PCSK2: variants seen among roughly 807,000 people sequenced by gnomAD.
The protein encoded by PCSK2 is neuroendocrine convertase 2.
Under a neutral mutation model 69.7 loss-of-function variants are expected in PCSK2, and 14 were observed. The observed-to-expected ratio is 0.20, with a 90% confidence interval of 0.13 to 0.31. PCSK2 has a LOEUF of 0.31. Ranked by LOEUF, PCSK2 falls within the 10% of genes least tolerant of loss-of-function variation. The pLI is 1.00. For synonymous variants in PCSK2, 307 were observed against 320.7 expected, an observed-to-expected ratio of 0.96 and a Z score of 0.46; for missense variants, 544 against 842.5, an observed-to-expected ratio of 0.65 and a Z score of 4.39.
chr20:17,358,002 C>T (rs2030261389), intron 2 of PCSK2, among the ~76,000 whole-genome samples: 2 of 151,912 alleles, frequency 1.3e-5, no homozygotes, highest in South Asian at 2.1e-4. Flanking sequence ...TAAGTAAATG[C>T]TCTCATAAAA....
chr20:17,283,558 T>C (rs2123050751), intron 2 of PCSK2, among the ~76,000 whole-genome samples: 1 of 152,314 alleles, frequency 6.6e-6, no homozygotes, highest in South Asian at 2.1e-4. Flanking sequence ...CTTCCATACC[T>C]TAAGTACCTA....
chr20:17,275,671 G>A (rs1178154805), intron 2 of PCSK2, among the ~76,000 whole-genome samples: 2 of 152,138 alleles, frequency 1.3e-5, no homozygotes, highest in Non-Finnish European at 2.9e-5. Flanking sequence ...AGATTAAATA[G>A]GAAATACATT....
chr20:17,267,459 C>T (rs1336607391), intron 2 of PCSK2, among the ~76,000 whole-genome samples: 1 of 152,182 alleles, frequency 6.6e-6, no homozygotes, highest in African/African-American at 2.4e-5. Context: ...CTGTTCTAAT[C>T]CTCTGCTTTC....
At position 17,463,665 on chromosome 20, in the gene PCSK2, A is replaced by AC. The variant is rs200671048; in HGVS notation, c.1203-1655dup. 148 of 62,622 alleles carry AC rather than the reference A, an allele frequency of 2.4e-3. 3 individuals carry two copies. Among genetic ancestry groups the AC allele is most frequent in the South Asian group, 0.016 (25 of 1,594 alleles). The allele number at this position is 62,622 out of a possible 1,614,324, so 3.9% of individuals were successfully genotyped here. On this transcript the variant is annotated intron_variant, in intron 10 of 11. Transcript: ENST00000262545. The stretch of plus-strand genomic sequence containing the variant: ...TAATGCTATCCCTCCCCATCCCCCC[A>AC]CCCCCCACACACACACATGACAGGC...
intron 5 of PCSK2, among the ~76,000 whole-genome samples, chr20:17,380,822 A>G (rs1374882246): frequency 6.6e-6 from 1 of 152,210 alleles, no homozygotes; most frequent in Non-Finnish European, 1.5e-5. Flanking sequence ...ATGAAATTAA[A>G]AGGGGCAATT....
intron 5 of PCSK2, among the ~76,000 whole-genome samples, chr20:17,401,498 A>G (rs1172639458): frequency 1.3e-5 from 2 of 152,200 alleles, no homozygotes; most frequent in Non-Finnish European, 2.9e-5. Flanking sequence ...ACCTCTTAAT[A>G]CAAACACACA....
At chr20:17,337,681 T>C (rs1357684917) in intron 2 of PCSK2, among the ~76,000 whole-genome samples, 2 of 152,004 alleles carry the variant, frequency 1.3e-5, no homozygotes, top group Admixed American at 1.3e-4. Flanking sequence ...TCACAACATT[T>C]TGGGAGTCCG....
intron 5 of PCSK2, among the ~76,000 whole-genome samples, chr20:17,371,139 G>A (rs1188109170): frequency 1.3e-5 from 2 of 152,150 alleles, no homozygotes; most frequent in Admixed American, 6.5e-5. Flanking sequence ...TACCCATTGG[G>A]CTGGAGAGCT....
intron 1 of PCSK2, among the ~76,000 whole-genome samples, chr20:17,243,736 C>A (rs540591100): frequency 6.6e-6 from 1 of 152,282 alleles, no homozygotes; most frequent in South Asian, 2.1e-4. Flanking sequence ...CACACCACAA[C>A]GTGTGTAATG....
At chr20:17,419,568 T>G (rs117673101) in intron 6 of PCSK2, among the ~76,000 whole-genome samples, 2,109 of 152,296 alleles carry the variant, frequency 0.014, 22 homozygotes, top group Middle Eastern at 0.044. Context: ...TCACATTTTT[T>G]CCCTTGCTGG....
At chr20:17,426,637 A>G (rs1197082493) in intron 6 of PCSK2, among the ~76,000 whole-genome samples, 1 of 152,196 alleles carries the variant, frequency 6.6e-6, no homozygotes, top group African/African-American at 2.4e-5. Flanking sequence ...CAGGCTGGAG[A>G]CCCTGAGAGC....
chr20:17,269,586 T>C (rs957948134), intron 2 of PCSK2, among the ~76,000 whole-genome samples: 5 of 152,162 alleles, frequency 3.3e-5, no homozygotes, highest in Admixed American at 6.6e-5. Context: ...CATGAACTTA[T>C]GAAATTAAAG....
intron 1 of PCSK2, among the ~76,000 whole-genome samples, chr20:17,228,790 A>G (rs749531529): frequency 6.6e-6 from 1 of 152,176 alleles, no homozygotes; most frequent in Non-Finnish European, 1.5e-5. Context: ...CAGTACCGGA[A>G]TTTCGACCCC....
chr20:17,461,649 C>T (rs766460471), intron 10 of PCSK2, among the ~76,000 whole-genome samples: 4 of 152,182 alleles, frequency 2.6e-5, no homozygotes, highest in Non-Finnish European at 4.4e-5. Context: ...CATGTGCTGA[C>T]TTTAAATTAC....
chr20:17,328,855 C>A (rs1990137160), intron 2 of PCSK2, among the ~76,000 whole-genome samples: 1 of 152,150 alleles, frequency 6.6e-6, no homozygotes, highest in South Asian at 2.1e-4. Flanking sequence ...TGAAATTACA[C>A]TCAAAGACTC....
chr20:17,452,391 T>C (rs117427024), intron 8 of PCSK2, among the ~76,000 whole-genome samples: 1 of 152,374 alleles, frequency 6.6e-6, no homozygotes, highest in East Asian at 1.9e-4. Context: ...CACTTGTCGA[T>C]TCAATCAATC....
chr20:17,227,529 G>C, intron 1 of PCSK2, 47 bp downstream of exon 1: 4 of 1,455,886 alleles, frequency 2.7e-6, no homozygotes, highest in Non-Finnish European at 3.8e-6. Flanking sequence ...ACGGGGGGAC[G>C]GGGGGGCAGC....
At chr20:17,289,995 A>G (rs1275273260) in intron 2 of PCSK2, among the ~76,000 whole-genome samples, 1 of 152,170 alleles carries the variant, frequency 6.6e-6, no homozygotes, top group Non-Finnish European at 1.5e-5. Flanking sequence ...CAGTTTGCTC[A>G]TTGTTTAGGT....
chr20:17,364,059 G>A (rs1201089189), intron 4 of PCSK2, among the ~76,000 whole-genome samples: 1 of 151,706 alleles, frequency 6.6e-6, no homozygotes, highest in Non-Finnish European at 1.5e-5. Flanking sequence ...AATGGGTGCA[G>A]CACACCAACA....
Sources: allele counts gnomAD v4.1 joint callset (sites outside exome capture counted in the v4.1 genomes callset), GRCh38; gene constraint gnomAD v4.1.1; transcripts MANE v1.5; gene names NCBI Gene and HGNC (gene_info 2026-07-23, HGNC 2026-07-21).